Variants in ZNF91 observed in about 807,000 individuals in gnomAD.
ZNF91 encodes the protein zinc finger protein 91, also known as zinc finger protein 91 (HPF7, HTF10).
In ZNF91, 7 loss-of-function variants were observed where a neutral mutation model predicts 12.6. That is an observed-to-expected ratio of 0.55 (90% confidence interval 0.31 to 1.04). The LOEUF (loss-of-function observed/expected upper bound fraction) is 1.04, where lower values mean the gene tolerates loss of function less well. Among genes scored for constraint, ZNF91 ranks in the 50% least tolerant of loss-of-function variants. ZNF91 has a pLI of 0.05. For synonymous variants in ZNF91, 453 were observed against 462.6 expected, an observed-to-expected ratio of 0.98 and a Z score of 0.27; for missense variants, 1,217 against 1,385.4, an observed-to-expected ratio of 0.88 and a Z score of 1.93.
chr19:23,317,221 T>C lies in ZNF91; in HGVS notation n.117-8124A>G, dbSNP rs139317963. Among the ~76,000 whole-genome samples the C allele has an allele frequency of 2.4e-3, 371 of 152,212 alleles. 2 individuals are homozygous for C. Among genetic ancestry groups the C allele is most frequent in the Non-Finnish European group, 4.0e-3 (271 of 68,020 alleles). ...CCACCATGCCTGGCTAACTATTTTTTGTATTTTTAGTAGAGACGGGGTTTC... is the reference window on the plus strand; with the variant it reads ...CCACCATGCCTGGCTAACTATTTTTCGTATTTTTAGTAGAGACGGGGTTTC... On this transcript the variant is annotated intron_variant and non_coding_transcript_variant, in intron 1 of 1. Transcript: ENST00000596528.
At chr19:23,305,388 C>G (rs1967383930) in intron 3 of ZNF91, among the ~76,000 whole-genome samples, 1 of 152,152 alleles carries the variant, frequency 6.6e-6, no homozygotes, top group South Asian at 2.1e-4. Flanking sequence ...TAGCTCAGCC[C>G]AGTGTATTCC....
chr19:23,309,473 C>A lies in ZNF91; in HGVS notation n.17-376G>T, dbSNP rs531937977. Reference sequence around the variant, plus strand: ...GGTGATGTGCTGCTGTTGTCTGTGCCCTGCTTTTAGTGTGGAATTGTAACA... The same window carrying A: ...GGTGATGTGCTGCTGTTGTCTGTGCACTGCTTTTAGTGTGGAATTGTAACA... On this transcript the variant is annotated intron_variant and non_coding_transcript_variant, in intron 1 of 3. Coordinates refer to the ZNF91 transcript ENST00000593292. Among the ~76,000 whole-genome samples, 21 of 152,190 alleles carry A rather than the reference C, an allele frequency of 1.4e-4. No individual in the cohort carries two copies. The East Asian group carries it at 4.1e-3, about 29-fold the overall frequency.
At chr19:23,394,432 T>TA (rs1482400629) in intron 1 of ZNF91, among the ~76,000 whole-genome samples, 1 of 152,070 alleles carries the variant, frequency 6.6e-6, no homozygotes. Flanking sequence ...ACCTAGATTG[T>TA]AAAAATTAAG....
chr19:23,380,104 T>A (rs1969648072), intron 1 of ZNF91, among the ~76,000 whole-genome samples: 1 of 150,786 alleles, frequency 6.6e-6, no homozygotes, highest in Non-Finnish European at 1.5e-5. Context: ...AAAATAAAAA[T>A]AAAAAATTTG....
chr19:23,332,987 T>G (rs1967951268), intron 1 of ZNF91, among the ~76,000 whole-genome samples: 2 of 152,106 alleles, frequency 1.3e-5, no homozygotes, highest in Non-Finnish European at 2.9e-5. Flanking sequence ...GAAAAAGAGG[T>G]GGTCTTTCAC....
In ZNF91 at chr19:23,362,524, T is replaced by G; in HGVS notation, c.455A>C (p.Lys152Thr). 6.2e-7 allele frequency: 1 copy of G among 1,603,962 alleles called. No homozygotes were observed. The highest frequency in any genetic ancestry group is 8.5e-7 in the Non-Finnish European group (1 of 1,175,828). Reference sequence around the variant, plus strand: ...CAAATATTTCCCACATTGAAATACTTTGCTCTGGGCAGTTGTGAGACACTG... The same window carrying G: ...CAAATATTTCCCACATTGAAATACTGTGCTCTGGGCAGTTGTGAGACACTG... ...LNQCLTTAQSKVFQCGKYLKV... is the reference protein window; with the variant it reads ...LNQCLTTAQSTVFQCGKYLKV... The change falls in exon 4 of 4, where the codon AAA becomes ACA. Residue 152 changes from lysine (K) to threonine (T), a missense_variant. This residue lies in a region of ZNF91 where 726 missense variants were observed against 895.5 expected (regional missense o/e 0.81). Coordinates refer to ENST00000300619, the MANE Select transcript of ZNF91 (RefSeq NM_003430.4).
intron 1 of ZNF91, chr19:23,324,202 A>C: frequency 7.1e-6 from 1 of 140,978 alleles, no homozygotes; most frequent in Non-Finnish European, 1.5e-5. Flanking sequence ...ACTTCCTCCT[A>C]GCTTCCCTTT....
rs181859122 is a variant in ZNF91 at position 23,376,659 on chromosome 19, G to T, written c.31-1895C>A. Among the ~76,000 whole-genome samples, 14 of 152,234 alleles carry T rather than the reference G, an allele frequency of 9.2e-5. No homozygotes were observed. In the East Asian group the frequency reaches 2.7e-3, roughly 29 times the overall value. On this transcript the variant is annotated intron_variant, in intron 1 of 3. Coordinates refer to ENST00000300619, the MANE Select transcript of ZNF91 (RefSeq NM_003430.4). ...CCGCCTCGGCCTCCCAAAGTGCTGG[G>T]ATTACAGACGTGAGCCACCACGCCT...
chr19:23,356,187 GA>G (rs1393464036), downstream of ZNF91, among the ~76,000 whole-genome samples: 1 of 152,142 alleles, frequency 6.6e-6, no homozygotes, highest in East Asian at 1.9e-4. Context: ...CAGAGAAAAA[GA>G]AATGATTATT....
chr19:23,333,828 T>C (rs1190719470), downstream of ZNF91, among the ~76,000 whole-genome samples: 3 of 152,204 alleles, frequency 2.0e-5, no homozygotes, highest in Non-Finnish European at 2.9e-5. Flanking sequence ...AGCAAAGCAA[T>C]AGTGGAAAGC....
intron 1 of ZNF91, among the ~76,000 whole-genome samples, chr19:23,309,637 C>T (rs113791453): frequency 6.6e-6 from 1 of 152,146 alleles, no homozygotes; most frequent in Non-Finnish European, 1.5e-5. Context: ...AGGATTTTGA[C>T]ATATATATTG....
intron 3 of ZNF91, among the ~76,000 whole-genome samples, chr19:23,372,828 G>A (rs10415339): frequency 6.6e-6 from 1 of 151,872 alleles, no homozygotes; most frequent in African/African-American, 2.4e-5. Context: ...CCAAAGTAAC[G>A]TGGGAAAATC....
chr19:23,353,145 G>A (rs61546387), downstream of ZNF91, among the ~76,000 whole-genome samples: 46 of 152,026 alleles, frequency 3.0e-4, no homozygotes, highest in Non-Finnish European at 5.1e-4. Context: ...TCCAACAACC[G>A]CAGAACACAC....
At chr19:23,369,431 G>GGGC (rs1969175491) in intron 3 of ZNF91, among the ~76,000 whole-genome samples, 1 of 151,848 alleles carries the variant, frequency 6.6e-6, no homozygotes, top group Admixed American at 6.6e-5. Flanking sequence ...GGGAGGTGGA[G>GGGC]GGCGCCTCTG....
chr19:23,321,400 C>T (rs570437942), intron 1 of ZNF91, among the ~76,000 whole-genome samples: 6 of 152,186 alleles, frequency 3.9e-5, no homozygotes, highest in East Asian at 1.9e-4. Flanking sequence ...AACACTTAGG[C>T]GATGTGACTC....
Position 23,395,427 on chromosome 19 carries a change from G to C in ZNF91, c.-73C>G. ...TGGGCCTCCTGGAGCAGAGGACACAGAGCAGTGAAGTCGAGACCTGGAAAC... is the reference window on the plus strand; with the variant it reads ...TGGGCCTCCTGGAGCAGAGGACACACAGCAGTGAAGTCGAGACCTGGAAAC... On this transcript the variant is annotated 5_prime_UTR_variant, in exon 1 of 4. Transcript: ENST00000300619. 6.4e-7 allele frequency: 1 copy of C among 1,571,442 alleles called. No individual in the cohort carries two copies. Among genetic ancestry groups the C allele is most frequent in the Non-Finnish European group, 8.7e-7 (1 of 1,154,014 alleles).
rs1968850359 is a variant in ZNF91 at position 23,362,534 on chromosome 19, C to T, written c.445G>A (p.Ala149Thr). 1 of 1,601,432 alleles carries T rather than the reference C, an allele frequency of 6.2e-7. No individual in the cohort carries two copies. Among genetic ancestry groups the T allele is most frequent in the Non-Finnish European group, 8.5e-7 (1 of 1,175,060 alleles). ...YNKLNQCLTT[A>T]QSKVFQCGKY... ...CCACATTGAAATACTTTGCTCTGGG[C>T]AGTTGTGAGACACTGGTTAAGTTTA... The change falls in exon 4 of 4, where the codon GCC becomes ACC. Residue 149 changes from alanine (A) to threonine (T), a missense_variant. Coordinates refer to ENST00000300619, the MANE Select transcript of ZNF91 (RefSeq NM_003430.4).
At position 23,359,701 on chromosome 19, in the gene ZNF91, A is replaced by G. The variant is rs1968637208; in HGVS notation, c.3278T>C (p.Leu1093Pro). 1.9e-6 allele frequency: 3 copies of G among 1,613,988 alleles called. No homozygotes were observed. Among genetic ancestry groups the G allele is most frequent in the Admixed American group, 3.3e-5 (2 of 60,000 alleles). ...GGTGTGCAACCTCTTATGTCTAGTT[A>G]GGGTTGAAGATTGGCTAAATGCTTT... ...CGKAFSQSST[L>P]TRHKRLHTGE... is the part of the protein sequence containing the mutation. The change falls in exon 4 of 4, where the codon CTA becomes CCA. Residue 1093 changes from leucine to proline, a missense_variant. Around this residue, in one of 2 missense-constraint regions of ZNF91, gnomAD observed 491 missense variants for 489.8 expected, o/e 1.00. Coordinates refer to ENST00000300619, the MANE Select transcript of ZNF91 (RefSeq NM_003430.4).
upstream of ZNF91, among the ~76,000 whole-genome samples, chr19:23,311,063 ATG>A (rs935627501): frequency 6.6e-6 from 1 of 152,174 alleles, no homozygotes; most frequent in African/African-American, 2.4e-5. Flanking sequence ...AAACCAGATG[ATG>A]TGTTTCTTTT....
Sources: gnomAD v4.1 joint callset for allele counts (sites outside exome capture counted in the v4.1 genomes callset) on GRCh38, gnomAD v4.1.1 for gene constraint, gnomAD v4.1.1 regional missense constraint, MANE v1.5 for transcripts, NCBI Gene and HGNC (gene_info 2026-07-23, HGNC 2026-07-21) for gene names.